The following FARS2 variants were observed in gnomAD, a reference collection of about 807,000 sequenced individuals.
FARS2 encodes phenylalanyl-tRNA synthetase 2, mitochondrial.
In FARS2, 40 loss-of-function variants were observed where a neutral mutation model predicts 46.4. The observed-to-expected ratio is 0.86, with a 90% CI of 0.67 to 1.12. The LOEUF (loss-of-function observed/expected upper bound fraction) is 1.12. Among genes scored for constraint, FARS2 ranks in the 50% most tolerant of loss-of-function variants. FARS2 has a pLI of 0.00. For synonymous variants in FARS2, 234 were observed against 214.9 expected (o/e 1.09, Z -0.78); for missense variants, 513 against 567.9 (o/e 0.90, Z 0.98).
At chr6:5,282,341 T>C (rs1346106163) in intron 1 of FARS2, among the ~76,000 whole-genome samples, 1 of 151,988 alleles carries the variant, frequency 6.6e-6, no homozygotes, top group Non-Finnish European at 1.5e-5. Flanking sequence ...ATTTCAGGGG[T>C]TGCAAAAGAA....
At chr6:5,350,338 T>G (rs1432871003) in intron 1 of FARS2, among the ~76,000 whole-genome samples, 2 of 152,102 alleles carry the variant, frequency 1.3e-5, no homozygotes, top group Non-Finnish European at 2.9e-5. Context: ...ACAAGCTGTT[T>G]TTCAGTTTTG....
intron 2 of FARS2, among the ~76,000 whole-genome samples, chr6:5,378,271 C>CA (rs1402326824): frequency 3.3e-5 from 5 of 152,186 alleles, no homozygotes; most frequent in Non-Finnish European, 7.4e-5. Context: ...CCACTGTCCT[C>CA]AACCACTGTG....
chr6:5,701,266 A>G (rs1342087945), intron 6 of FARS2, among the ~76,000 whole-genome samples: 1 of 152,252 alleles, frequency 6.6e-6, no homozygotes, highest in Non-Finnish European at 1.5e-5. Context: ...ACATCTCTGC[A>G]AAGGCTGTTG....
intron 6 of FARS2, among the ~76,000 whole-genome samples, chr6:5,647,177 C>T (rs1777122151): frequency 6.6e-6 from 1 of 152,188 alleles, no homozygotes; most frequent in South Asian, 2.1e-4. Context: ...CACCTTCATC[C>T]CATCTCAAGT....
chr6:5,418,022 G>T (rs1010173815), intron 3 of FARS2, among the ~76,000 whole-genome samples: 1 of 151,806 alleles, frequency 6.6e-6, no homozygotes, highest in Non-Finnish European at 1.5e-5. Context: ...TCCTTCCTGT[G>T]TATTTTTCAT....
intron 1 of FARS2, among the ~76,000 whole-genome samples, chr6:5,262,811 A>G (rs1765283360): frequency 6.6e-6 from 1 of 152,244 alleles, no homozygotes. Context: ...TTTAAACAGG[A>G]TAGCAAAACT....
chr6:5,375,893 C>T (rs892688836), intron 2 of FARS2, among the ~76,000 whole-genome samples: 1 of 152,030 alleles, frequency 6.6e-6, no homozygotes, highest in Non-Finnish European at 1.5e-5. Flanking sequence ...GTCATTTTTA[C>T]TCTGATAGAA....
At position 5,311,044 on chromosome 6, in the gene FARS2, C is replaced by G. The variant is rs1208868874; in HGVS notation, c.-22+49384C>G. Among the ~76,000 whole-genome samples, 1 of 152,176 alleles carries G rather than the reference C, an allele frequency of 6.6e-6. No homozygotes were observed. Among genetic ancestry groups the G allele is most frequent in the Non-Finnish European group, 1.5e-5 (1 of 68,032 alleles). On this transcript the variant is annotated intron_variant, in intron 1 of 6. Coordinates refer to ENST00000274680, the MANE Select transcript of FARS2 (RefSeq NM_006567.5). This position sits in a 1 kb window ranked among gnomAD's most constrained non-coding sequence, Gnocchi z 4.1. ...TTGCTAAAATACGTGGGCAAGGATG[C>G]TTATTTCAGCACTGGTTGTCACAGC...
intron 6 of FARS2, among the ~76,000 whole-genome samples, chr6:5,686,253 C>G (rs1757197533): frequency 6.6e-6 from 1 of 151,916 alleles, no homozygotes. Context: ...GCACAACATG[C>G]AGGTTTGTTA....
chr6:5,577,865 G>A (rs533090182), intron 5 of FARS2, among the ~76,000 whole-genome samples: 4 of 151,978 alleles, frequency 2.6e-5, no homozygotes, highest in Middle Eastern at 3.4e-3. Context: ...ACAGTGGTGC[G>A]ATCTCAGCAC....
At chr6:5,269,697 G>C (rs888247035) in intron 1 of FARS2, among the ~76,000 whole-genome samples, 1 of 152,072 alleles carries the variant, frequency 6.6e-6, no homozygotes, top group Non-Finnish European at 1.5e-5. Context: ...CCTACATTTT[G>C]CTAATCACTG....
chr6:5,338,746 C>T (rs1404237773), intron 1 of FARS2, among the ~76,000 whole-genome samples: 1 of 152,144 alleles, frequency 6.6e-6, no homozygotes, highest in East Asian at 1.9e-4. Flanking sequence ...GCACAGTTTT[C>T]ATGGCTATAT....
At chr6:5,328,872 A>G (rs1685801783) in intron 1 of FARS2, among the ~76,000 whole-genome samples, 1 of 152,200 alleles carries the variant, frequency 6.6e-6, no homozygotes, top group Non-Finnish European at 1.5e-5. Context: ...GTTATTTCGT[A>G]TTGCAGTTTG....
chr6:5,696,927 G>A (rs1758141241), intron 6 of FARS2, among the ~76,000 whole-genome samples: 2 of 152,196 alleles, frequency 1.3e-5, no homozygotes, highest in Admixed American at 6.5e-5. Flanking sequence ...GACTTAATAA[G>A]CAGTAAAGAT....
intron 6 of FARS2, among the ~76,000 whole-genome samples, chr6:5,648,169 T>C (rs1035937762): frequency 6.6e-6 from 1 of 152,230 alleles, no homozygotes; most frequent in Non-Finnish European, 1.5e-5. Context: ...TTCCCTTCAG[T>C]GAAGTCACCT....
intron 1 of FARS2, among the ~76,000 whole-genome samples, chr6:5,337,268 A>G (rs973675708): frequency 6.6e-6 from 1 of 151,900 alleles, no homozygotes; most frequent in Non-Finnish European, 1.5e-5. Flanking sequence ...GTTAGTTTTC[A>G]TTATTGTGGC....
intron 5 of FARS2, among the ~76,000 whole-genome samples, chr6:5,546,296 G>A (rs529682152): frequency 7.9e-4 from 108 of 137,254 alleles, no homozygotes; most frequent in African/African-American, 2.8e-3. Flanking sequence ...TCACTCTGTC[G>A]CCTGGGCTGG....
rs80321699 is a variant in FARS2, at chr6:5,530,947, A to C, written c.905-14233A>C. 5.1e-4 allele frequency among the ~76,000 whole-genome samples: 76 copies of C among 149,142 alleles called. 2 individuals are homozygous for C. In the East Asian group the frequency reaches 0.014, roughly 28 times the overall value. The stretch of plus-strand genomic sequence containing the variant: ...ATATAATTAAATATATAATTTATAC[A>C]TAGATTATAAATATTAATAAATGTC... On this transcript the variant is annotated intron_variant, in intron 4 of 6. Coordinates refer to ENST00000274680, the MANE Select transcript of FARS2 (RefSeq NM_006567.5).
chr6:5,701,507 C>T (rs753953895), intron 6 of FARS2, among the ~76,000 whole-genome samples: 12 of 152,194 alleles, frequency 7.9e-5, no homozygotes, highest in Admixed American at 1.3e-4. Context: ...GACTCACACA[C>T]AACAGTGACA....
Sources: allele counts gnomAD v4.1 joint callset (sites outside exome capture counted in the v4.1 genomes callset), GRCh38; gene constraint gnomAD v4.1.1; non-coding constraint Gnocchi (gnomAD v3.1); transcripts MANE v1.5; gene names NCBI Gene and HGNC (gene_info 2026-07-23, HGNC 2026-07-21).